Variants in CREB5 observed in about 807,000 individuals in gnomAD.
CREB5 encodes cAMP responsive element binding protein 5, also known as cyclic AMP-responsive element-binding protein 5.
In CREB5, 19 loss-of-function variants were observed where a neutral mutation model predicts 57.1. That is an observed-to-expected ratio of 0.33 (90% CI 0.23 to 0.49). The LOEUF is 0.49. CREB5 is among the 20% of genes least tolerant of loss of function. The pLI, the probability that CREB5 is intolerant of heterozygous loss-of-function variation, is 0.99. For missense variants in CREB5, 579 were observed against 671.6 expected, an observed-to-expected ratio of 0.86 and a Z score of 1.52; for synonymous variants, 238 against 238.3, an observed-to-expected ratio of 1.00 and a Z score of 0.01.
chr7:28,727,518 A>G (rs887676099), intron 7 of CREB5, among the ~76,000 whole-genome samples: 6 of 152,250 alleles, frequency 3.9e-5, no homozygotes, highest in African/African-American at 1.4e-4. Context: ...TCTCTATAGC[A>G]TGCAGATGAT....
At chr7:28,792,648 A>G (rs1807786034) in intron 7 of CREB5, among the ~76,000 whole-genome samples, 1 of 152,238 alleles carries the variant, frequency 6.6e-6, no homozygotes, top group Non-Finnish European at 1.5e-5. Flanking sequence ...GTAGACATGC[A>G]GGGGAAAGAA....
chr7:28,593,280 G>C (rs1386631046), intron 5 of CREB5, among the ~76,000 whole-genome samples: 3 of 152,060 alleles, frequency 2.0e-5, no homozygotes, highest in African/African-American at 7.2e-5. Flanking sequence ...ACACAGTCTT[G>C]CTCTGTTGCT....
intron 4 of CREB5, among the ~76,000 whole-genome samples, chr7:28,566,142 G>A (rs1177523132): frequency 4.6e-5 from 7 of 152,090 alleles, no homozygotes; most frequent in African/African-American, 1.7e-4. Flanking sequence ...CCAATCCAAT[G>A]CACTCTACAA....
At chr7:28,763,804 A>AT (rs1198951308) in intron 7 of CREB5, among the ~76,000 whole-genome samples, 5 of 99,472 alleles carry the variant, frequency 5.0e-5, no homozygotes, top group African/African-American at 1.6e-4. Context: ...TATTATTATT[A>AT]TTATTATTTT....
chr7:28,576,439 G>A (rs766748142), intron 5 of CREB5, among the ~76,000 whole-genome samples: 3 of 152,166 alleles, frequency 2.0e-5, no homozygotes, highest in African/African-American at 2.4e-5. Flanking sequence ...TTTTGAATAT[G>A]GGTCTATTGG....
chr7:28,511,383 G>A lies in CREB5; in HGVS notation c.291+3646G>A, dbSNP rs541939486. Among the ~76,000 whole-genome samples the A allele has an allele frequency of 5.8e-4, 89 of 152,284 alleles. 2 individuals are homozygous for A. The highest frequency in any genetic ancestry group is 3.4e-3 in the Middle Eastern group (1 of 292). ...GAGGAATTACAAAGAGACCCAAGGC[G>A]GGTGTAATAAGGCTAGAGATCCGGG... On this transcript the variant is annotated intron_variant, in intron 4 of 10. Coordinates refer to ENST00000357727, the MANE Select transcript of CREB5 (RefSeq NM_182898.4).
At chr7:28,741,855 C>T (rs1371934559) in intron 7 of CREB5, among the ~76,000 whole-genome samples, 2 of 151,970 alleles carry the variant, frequency 1.3e-5, no homozygotes, top group Non-Finnish European at 2.9e-5. Flanking sequence ...ATCATGAGGT[C>T]AGGAGTTCGA....
intron 7 of CREB5, among the ~76,000 whole-genome samples, chr7:28,743,837 T>A (rs1196530262): frequency 8.9e-6 from 1 of 112,904 alleles, no homozygotes; most frequent in Non-Finnish European, 1.7e-5. Context: ...AATCTCCTTT[T>A]CTTTTTTTTT....
chr7:28,488,649 G>A (rs1791673281), intron 2 of CREB5, among the ~76,000 whole-genome samples: 1 of 152,124 alleles, frequency 6.6e-6, no homozygotes, highest in Non-Finnish European at 1.5e-5. Context: ...AACACCATAG[G>A]TTAAATTTTA....
intron 4 of CREB5, among the ~76,000 whole-genome samples, chr7:28,568,842 C>T (rs1240331927): frequency 6.6e-6 from 1 of 152,216 alleles, no homozygotes; most frequent in African/African-American, 2.4e-5. Context: ...ATGTTATCAC[C>T]ATCGTTTAAC....
chr7:28,490,785 T>C (rs1253369272), intron 2 of CREB5, among the ~76,000 whole-genome samples: 3 of 152,274 alleles, frequency 2.0e-5, no homozygotes, highest in Admixed American at 2.0e-4. Context: ...GACTACCCTC[T>C]GATTTGCATT....
At chr7:28,300,216 T>C (rs1031794564) in intron 1 of CREB5, among the ~76,000 whole-genome samples, 2 of 152,174 alleles carry the variant, frequency 1.3e-5, no homozygotes, top group African/African-American at 4.8e-5. Context: ...CTTCCTCATA[T>C]GGTGCTAGTT....
chr7:28,641,528 C>T (rs1313884895), intron 5 of CREB5, among the ~76,000 whole-genome samples: 1 of 152,112 alleles, frequency 6.6e-6, no homozygotes, highest in African/African-American at 2.4e-5. Context: ...ATACTTGTTC[C>T]ACTCTGCCGA....
At chr7:28,627,386 T>G (rs1193386013) in intron 5 of CREB5, among the ~76,000 whole-genome samples, 5 of 152,218 alleles carry the variant, frequency 3.3e-5, no homozygotes, top group African/African-American at 1.2e-4. Context: ...TGCTCTCACT[T>G]GGGAGCTTTA....
At chr7:28,655,535 A>G (rs1799302049) in intron 5 of CREB5, among the ~76,000 whole-genome samples, 1 of 152,168 alleles carries the variant, frequency 6.6e-6, no homozygotes, top group Non-Finnish European at 1.5e-5. Flanking sequence ...GAATTGCTTG[A>G]GACCAGGAGG....
At chr7:28,521,988 A>T (rs1439796379) in intron 4 of CREB5, among the ~76,000 whole-genome samples, 2 of 152,234 alleles carry the variant, frequency 1.3e-5, no homozygotes, top group African/African-American at 2.4e-5. Context: ...TAAACTAGTA[A>T]TAATAAAATT....
At chr7:28,542,188 C>A (rs925143418) in intron 4 of CREB5, among the ~76,000 whole-genome samples, 5 of 152,150 alleles carry the variant, frequency 3.3e-5, no homozygotes, top group African/African-American at 1.2e-4. Context: ...ATTATTATTT[C>A]TGTTTTATGG....
At chr7:28,818,000 G>C in intron 9 of CREB5, 71 bp from the exon 10 acceptor site, 1 of 1,140,514 alleles carries the variant, frequency 8.8e-7, no homozygotes, top group Non-Finnish European at 1.3e-6. Context: ...TTTTGTTGTT[G>C]AAAGTGCACA....
chr7:28,650,480 G>T (rs935116455), intron 5 of CREB5, among the ~76,000 whole-genome samples: 2 of 151,988 alleles, frequency 1.3e-5, no homozygotes, highest in African/African-American at 4.8e-5. Flanking sequence ...GATTACTTCT[G>T]CCAGGACACA....
Sources: gnomAD v4.1 joint callset for allele counts (sites outside exome capture counted in the v4.1 genomes callset) on GRCh38, gnomAD v4.1.1 for gene constraint, MANE v1.5 for transcripts, NCBI Gene and HGNC (gene_info 2026-07-23, HGNC 2026-07-21) for gene names.